Variants in SLC4A4 observed in about 807,000 individuals in gnomAD.
The protein encoded by SLC4A4 is solute carrier family 4 member 4.
SLC4A4 carries 27 observed loss-of-function variants against 111.5 expected under a neutral mutation model. The observed-to-expected ratio is 0.24, with a 90% CI of 0.18 to 0.33. SLC4A4 has a LOEUF of 0.33. SLC4A4 is among the 10% of genes least tolerant of loss of function. SLC4A4 has a pLI of 1.00. For synonymous variants in SLC4A4, 443 were observed against 463.4 expected, an observed-to-expected ratio of 0.96 and a Z score of 0.57; for missense variants, 909 against 1,315.5, an observed-to-expected ratio of 0.69 and a Z score of 4.78.
intron 5 of SLC4A4, among the ~76,000 whole-genome samples, chr4:71,350,502 C>T (rs1430742333): frequency 6.6e-6 from 1 of 152,026 alleles, no homozygotes; most frequent in Non-Finnish European, 1.5e-5. Flanking sequence ...TTCAGCCTCC[C>T]GAGTAGCTGG....
At chr4:71,299,812 C>T (rs764956994) in intron 3 of SLC4A4, among the ~76,000 whole-genome samples, 9 of 152,154 alleles carry the variant, frequency 5.9e-5, no homozygotes, top group Admixed American at 3.3e-4. Context: ...ATGGGAGAGT[C>T]ATACACCAGG....
chr4:71,411,372 T>C lies in SLC4A4; in HGVS notation c.807+13719T>C, dbSNP rs1038519406. 1.5e-4 allele frequency among the ~76,000 whole-genome samples: 23 copies of C among 149,200 alleles called. 1 individual carries two copies. Among genetic ancestry groups the C allele is most frequent in the African/African-American group, 5.3e-4 (21 of 39,830 alleles). ...AGTTTTCTGTGACACGCCCCCCCCC[T>C]CTTGCCCCCAGTCTTTGCTAGGGGC... is the stretch of plus-strand genomic sequence containing the variant. On this transcript the variant is annotated intron_variant, in intron 7 of 25. Coordinates refer to ENST00000264485, the MANE Select transcript of SLC4A4 (RefSeq NM_001098484.3).
At chr4:71,534,586 G>GAAA (rs71673479) in intron 18 of SLC4A4, among the ~76,000 whole-genome samples, 198 bp downstream of exon 18, 3 of 139,364 alleles carry the variant, frequency 2.2e-5, no homozygotes, top group African/African-American at 2.6e-5. Flanking sequence ...ATTTAAATCT[G>GAAA]AAAAAAAAAA....
intron 2 of SLC4A4, among the ~76,000 whole-genome samples, chr4:71,158,530 G>A (rs1365476985): frequency 6.6e-6 from 1 of 152,144 alleles, no homozygotes; most frequent in Non-Finnish European, 1.5e-5. Context: ...GGTTTCTATG[G>A]TGACTTTCCC....
chr4:71,421,633 G>A (rs543986420), intron 7 of SLC4A4, among the ~76,000 whole-genome samples: 6 of 152,086 alleles, frequency 3.9e-5, no homozygotes, highest in African/African-American at 9.6e-5. Context: ...TATAACAAAC[G>A]ATCTCTCAGA....
In SLC4A4 at chr4:71,068,865, T is replaced by C. The variant is rs573363525; in HGVS notation, c.-65+6077T>C. On this transcript the variant is annotated intron_variant, in intron 1 of 26. Transcript: ENST00000649996. ...TACAGGTGTGTGCCATTACTTAACA[T>C]GGGACAGCCATTTTTAGCAGTGCTT... Among the ~76,000 whole-genome samples the C allele has an allele frequency of 1.4e-4, 22 of 152,300 alleles. 1 individual carries two copies. Among genetic ancestry groups the C allele is most frequent in the Admixed American group, 1.2e-3 (19 of 15,300 alleles).
At chr4:71,407,132 C>A (rs1720924905) in intron 7 of SLC4A4, among the ~76,000 whole-genome samples, 1 of 152,124 alleles carries the variant, frequency 6.6e-6, no homozygotes. Flanking sequence ...TCCCTGAAAG[C>A]CACTGTGGAA....
intron 4 of SLC4A4, among the ~76,000 whole-genome samples, chr4:71,343,712 A>G (rs1729073700): frequency 6.6e-6 from 1 of 152,196 alleles, no homozygotes; most frequent in Non-Finnish European, 1.5e-5. Flanking sequence ...TTTCTCACTG[A>G]GATTGCTGCA....
chr4:71,065,260 C>T (rs888858970), intron 1 of SLC4A4, among the ~76,000 whole-genome samples: 5 of 152,160 alleles, frequency 3.3e-5, no homozygotes, highest in African/African-American at 7.2e-5. Context: ...TGGTGTTTTA[C>T]ATCATCCATT....
intron 1 of SLC4A4, among the ~76,000 whole-genome samples, chr4:71,235,126 C>G (rs1310080109): frequency 6.6e-6 from 1 of 152,150 alleles, no homozygotes; most frequent in Non-Finnish European, 1.5e-5. Flanking sequence ...TATTATTACC[C>G]CAGTTTTATA....
At chr4:71,538,132 A>C (rs1219787644) in intron 18 of SLC4A4, among the ~76,000 whole-genome samples, 1 of 152,128 alleles carries the variant, frequency 6.6e-6, no homozygotes, top group African/African-American at 2.4e-5. Context: ...TTTGTTAACA[A>C]ATTCTTAATT....
At chr4:71,539,156 T>C (rs1305335350) in intron 18 of SLC4A4, among the ~76,000 whole-genome samples, 1 of 152,110 alleles carries the variant, frequency 6.6e-6, no homozygotes, top group East Asian at 1.9e-4. Context: ...TTTGCCCTAC[T>C]TTCATTTTTC....
Position 71,267,795 on chromosome 4 carries a change from A to AAAAAAAAAAAAAG in SLC4A4, c.253+12408_253+12409insGAAAAAAAAAAAA, listed in dbSNP as rs1722388521. Among the ~76,000 whole-genome samples the AAAAAAAAAAAAAG allele has an allele frequency of 1.3e-3, 36 of 26,716 alleles. 1 individual carries two copies. The highest frequency in any genetic ancestry group is 7.9e-3 in the South Asian group (5 of 632). 17.5% of individuals were successfully genotyped at this position (26,716 alleles called of 152,430 possible). A position where few individuals can be genotyped will look rare whatever the true frequency, so the allele number is the denominator to read the frequency against. On this transcript the variant is annotated intron_variant, in intron 3 of 25. Transcript: ENST00000264485. ...GATGACAGAGTGAGAGTCTGCCAAA[A>AAAAAAAAAAAAAG]AAAAAAAAAAAAAAAAAAAAAAAGA...
chr4:71,349,510 A>G (rs1729621918), intron 4 of SLC4A4, among the ~76,000 whole-genome samples: 1 of 152,212 alleles, frequency 6.6e-6, no homozygotes, highest in African/African-American at 2.4e-5. Flanking sequence ...TCATGAAATC[A>G]CAACAGAATC....
At chr4:71,516,982 C>T (rs1171505946) in intron 16 of SLC4A4, among the ~76,000 whole-genome samples, 1 of 152,110 alleles carries the variant, frequency 6.6e-6, no homozygotes, top group African/African-American at 2.4e-5. Context: ...TGTTGGAACT[C>T]TCTTGTATGT....
intron 2 of SLC4A4, among the ~76,000 whole-genome samples, chr4:71,162,093 C>A (rs1400232133): frequency 6.6e-6 from 1 of 152,168 alleles, no homozygotes; most frequent in Non-Finnish European, 1.5e-5. Flanking sequence ...AGAGGTTATT[C>A]TTGCTCACCC....
chr4:71,215,578 G>A (rs950642695), intron 1 of SLC4A4, among the ~76,000 whole-genome samples: 2 of 152,208 alleles, frequency 1.3e-5, no homozygotes, highest in Non-Finnish European at 2.9e-5. Flanking sequence ...CATTCAGTAA[G>A]GAGAGCATGG....
chr4:71,433,326 G>A (rs1419565001), intron 7 of SLC4A4, among the ~76,000 whole-genome samples: 1 of 151,454 alleles, frequency 6.6e-6, no homozygotes, highest in African/African-American at 2.4e-5. Flanking sequence ...CCCATCTAAA[G>A]CTAACTTTTC....
chr4:71,332,092 C>T (rs1728048465), intron 3 of SLC4A4, among the ~76,000 whole-genome samples: 1 of 152,012 alleles, frequency 6.6e-6, no homozygotes, highest in South Asian at 2.1e-4. Context: ...AAAGGTTTGT[C>T]ATTTTTGTTT....
Sources: allele counts gnomAD v4.1 joint callset (sites outside exome capture counted in the v4.1 genomes callset), GRCh38; gene constraint gnomAD v4.1.1; transcripts MANE v1.5; gene names NCBI Gene and HGNC (gene_info 2026-07-23, HGNC 2026-07-21).